Variants in GAS2L3 observed in about 807,000 individuals in gnomAD.
The protein encoded by GAS2L3 is growth arrest specific 2 like 3.
Under a neutral mutation model 37.0 loss-of-function variants are expected in GAS2L3, and 28 were observed. The observed-to-expected ratio is 0.76, with a 90% confidence interval of 0.56 to 1.04. The LOEUF is 1.04. Ranked by LOEUF, GAS2L3 falls within the 50% of genes least tolerant of loss-of-function variation. GAS2L3 has a pLI of 0.00. For missense variants in GAS2L3, 793 were observed against 817.6 expected, an observed-to-expected ratio of 0.97 and a Z score of 0.37; for synonymous variants, 290 against 296.6, an observed-to-expected ratio of 0.98 and a Z score of 0.23.
At chr12:100,615,593 A>T (rs1197612457) in intron 6 of GAS2L3, among the ~76,000 whole-genome samples, 1 of 151,814 alleles carries the variant, frequency 6.6e-6, no homozygotes, top group Non-Finnish European at 1.5e-5. Flanking sequence ...TATTTTTAAC[A>T]TTTTTTTCTA....
At chr12:100,579,688 T>A in intron 1 of GAS2L3, 1 of 776,400 alleles carries the variant, frequency 1.3e-6, no homozygotes, top group Non-Finnish European at 2.4e-6. Context: ...GCATTCTGCA[T>A]GGCGATCATG....
At position 100,582,998 on chromosome 12, in the gene GAS2L3, C is replaced by T. The variant is rs551930107; in HGVS notation, c.-151-8738C>T. On this transcript the variant is annotated intron_variant, in intron 1 of 9. Coordinates refer to ENST00000547754, the MANE Select transcript of GAS2L3 (RefSeq NM_174942.3). Reference sequence around the variant, plus strand: ...TCTCTTTGCAGCTGTCCTCACATCACCTTCGGTGACTCTGACCTTTCTGCA... The same window carrying T: ...TCTCTTTGCAGCTGTCCTCACATCATCTTCGGTGACTCTGACCTTTCTGCA... 2.0e-5 allele frequency among the ~76,000 whole-genome samples: 3 copies of T among 152,370 alleles called. No homozygotes were observed. In the South Asian group the frequency reaches 6.2e-4, roughly 32 times the overall value.
At position 100,623,578 on chromosome 12, in the gene GAS2L3, A is replaced by T; in HGVS notation, c.773A>T (p.His258Leu). The change falls in exon 10 of 10, where the codon CAT becomes CTT. Residue 258 changes from histidine (H) to leucine (L), a missense_variant. Transcript: ENST00000547754. The part of the protein sequence containing the change: ...ILFIRMLHGK[H>L]VMVRVGGGWD... ...TGGGGGCAGATGCTTCATGGAAAAC[A>T]TGTCATGGTTCGCGTTGGTGGAGGC... 1 of 1,601,086 alleles carries T rather than the reference A, an allele frequency of 6.2e-7. No homozygotes were observed. The highest frequency in any genetic ancestry group is 8.5e-7 in the Non-Finnish European group (1 of 1,174,452).
chr12:100,574,738 T>C (rs1360435417), intron 1 of GAS2L3, among the ~76,000 whole-genome samples: 1 of 152,228 alleles, frequency 6.6e-6, no homozygotes, highest in Non-Finnish European at 1.5e-5. Context: ...CAGAACCGCT[T>C]TGTGAATTGC....
chr12:100,616,298 C>A (rs1038147389), intron 6 of GAS2L3, among the ~76,000 whole-genome samples: 6 of 152,104 alleles, frequency 3.9e-5, no homozygotes, highest in African/African-American at 1.4e-4. Context: ...GTGTATGCAA[C>A]TAATTTTTGT....
chr12:100,587,402 A>C (rs1278675200), intron 1 of GAS2L3, among the ~76,000 whole-genome samples: 1 of 152,248 alleles, frequency 6.6e-6, no homozygotes, highest in Non-Finnish European at 1.5e-5. Context: ...AGTGGGTTTT[A>C]TACCAGGGAT....
intron 1 of GAS2L3, among the ~76,000 whole-genome samples, chr12:100,574,926 CA>C (rs1955616418): frequency 6.6e-6 from 1 of 151,386 alleles, no homozygotes; most frequent in African/African-American, 2.4e-5. Flanking sequence ...CATTAGAAAC[CA>C]ACTGTCATTG....
rs1286841325 is a variant in GAS2L3 at position 100,628,050 on chromosome 12, A to G, written c.*3160A>G. On this transcript the variant is annotated 3_prime_UTR_variant, in exon 10 of 10. Transcript: ENST00000547754. ...ATGGAGTTTGTCATTCTTTATGGAT[A>G]AGAGAACTTAAGGAAAAGTTACTGT... 1 of 152,172 alleles carries G rather than the reference A, an allele frequency of 6.6e-6. No homozygotes were observed. The allele number at this position is 152,172 out of a possible 1,614,324, so 9.4% of individuals were successfully genotyped here. A position where few individuals can be genotyped will look rare whatever the true frequency, so the allele number is the denominator to read the frequency against.
chr12:100,588,328 G>A (rs11534826), intron 1 of GAS2L3, among the ~76,000 whole-genome samples: 6,728 of 152,162 alleles, frequency 0.044, 275 homozygotes, highest in South Asian at 0.18. Flanking sequence ...ATCACATATC[G>A]GTAGGCCTGT....
chr12:100,601,896 G>A (rs1955994957), intron 5 of GAS2L3, 143 bp downstream of exon 5: 2 of 432,610 alleles, frequency 4.6e-6, no homozygotes, highest in Non-Finnish European at 8.4e-6. Context: ...TCAAGATCTG[G>A]AAAAATGTTC....
In GAS2L3 at chr12:100,618,562, G is replaced by A. The variant is rs752082462; in HGVS notation, c.623G>A (p.Cys208Tyr). 1 of 1,611,790 alleles carries A rather than the reference G, an allele frequency of 6.2e-7. No homozygotes were observed. Among genetic ancestry groups the A allele is most frequent in the Admixed American group, 1.7e-5 (1 of 59,648 alleles). ...TCCATCAGCATTCCAAAATCATGCT[G>A]TCGGCATGAAGAGCTACATGAAGCT... ...EDSISIPKSC[C>Y]RHEELHEAVK... Residue 208 changes from cysteine (C) to tyrosine (Y), a missense_variant, in exon 8 of 10, where the codon TGT becomes TAT. Physicochemically the swap from Cys to Tyr is radical, Grantham distance 194. Transcript: ENST00000547754.
chr12:100,588,913 C>T (rs781489412), intron 1 of GAS2L3, among the ~76,000 whole-genome samples: 9 of 152,104 alleles, frequency 5.9e-5, no homozygotes, highest in Non-Finnish European at 1.2e-4. Flanking sequence ...TGCTTGTCTT[C>T]CCTTGTTCCA....
At chr12:100,614,393 G>A (rs1249054491) in intron 6 of GAS2L3, among the ~76,000 whole-genome samples, 2 of 152,018 alleles carry the variant, frequency 1.3e-5, no homozygotes, top group Non-Finnish European at 2.9e-5. Flanking sequence ...AACCTGGGAG[G>A]CAGAGGTTGC....
intron 1 of GAS2L3, among the ~76,000 whole-genome samples, chr12:100,586,906 A>T (rs1955788448): frequency 6.6e-6 from 1 of 152,228 alleles, no homozygotes; most frequent in Admixed American, 6.5e-5. Context: ...TACAACTGAC[A>T]ACACTGAAAT....
At chr12:100,592,135 T>C (rs2136427685) in intron 2 of GAS2L3, among the ~76,000 whole-genome samples, 1 of 152,244 alleles carries the variant, frequency 6.6e-6, no homozygotes, top group Non-Finnish European at 1.5e-5. Context: ...ATCTTACTGG[T>C]ACAGTTGAAA....
intron 8 of GAS2L3, among the ~76,000 whole-genome samples, chr12:100,619,832 GA>G (rs1307450703): frequency 6.6e-6 from 1 of 152,000 alleles, no homozygotes; most frequent in Non-Finnish European, 1.5e-5. Context: ...AATTTGATAA[GA>G]AAAACTTGCA....
chr12:100,622,434 G>A, intron 9 of GAS2L3, 52 bp downstream of exon 9: 1 of 908,696 alleles, frequency 1.1e-6, no homozygotes, highest in Non-Finnish European at 1.7e-6. Context: ...TTTGAAATTG[G>A]ATTTATTGCT....
At chr12:100,593,552 C>G (rs373068041) in intron 2 of GAS2L3, 1 of 152,158 alleles carries the variant, frequency 6.6e-6, no homozygotes, top group South Asian at 2.1e-4. Flanking sequence ...TTTGCACACG[C>G]CTTATAATTT....
In GAS2L3 at chr12:100,626,173, T is replaced by C. The variant is rs1195615079; in HGVS notation, c.*1283T>C. On this transcript the variant is annotated 3_prime_UTR_variant, in exon 10 of 10. Coordinates refer to ENST00000547754, the MANE Select transcript of GAS2L3 (RefSeq NM_174942.3). Reference sequence around the variant, plus strand: ...CAGTATTGCCAATTATCTTAGGTTATTCAGTATTCAGGTTTGTGTTTCTCT... The same window carrying C: ...CAGTATTGCCAATTATCTTAGGTTACTCAGTATTCAGGTTTGTGTTTCTCT... 1.3e-5 allele frequency: 2 copies of C among 152,348 alleles called. No homozygotes were observed. The highest frequency in any genetic ancestry group is 3.9e-4 in the East Asian group (2 of 5,190). The allele number at this position is 152,348 out of a possible 1,614,324, so 9.4% of individuals were successfully genotyped here.
Sources: gnomAD v4.1 joint callset for allele counts (sites outside exome capture counted in the v4.1 genomes callset) on GRCh38, gnomAD v4.1.1 for gene constraint, MANE v1.5 for transcripts, NCBI Gene and HGNC (gene_info 2026-07-23, HGNC 2026-07-21) for gene names.